Variants in DGKH observed in about 807,000 individuals in gnomAD.
DGKH encodes the protein diacylglycerol kinase eta, also known as DAG kinase eta.
DGKH carries 90 observed loss-of-function variants against 159.3 expected under a neutral mutation model. The ratio of observed to expected loss-of-function variants is 0.57; its 90% CI spans 0.48 to 0.67. The LOEUF (loss-of-function observed/expected upper bound fraction) is 0.67, where lower values mean the gene tolerates loss of function less well. DGKH is among the 30% of genes least tolerant of loss of function. The pLI, the probability that DGKH is intolerant of heterozygous loss-of-function variation, is 0.00. For synonymous variants in DGKH, 536 were observed against 553.8 expected (o/e 0.97, Z 0.45); for missense variants, 1,181 against 1,506.1 (o/e 0.78, Z 3.57).
intron 3 of DGKH, among the ~76,000 whole-genome samples, chr13:42,132,029 G>A (rs1244208380): frequency 6.6e-6 from 1 of 152,224 alleles, no homozygotes; most frequent in Non-Finnish European, 1.5e-5. Flanking sequence ...AGTAGGATTA[G>A]CCACTTGCTT....
chr13:42,222,602 G>A (rs922019786), intron 29 of DGKH, among the ~76,000 whole-genome samples: 2 of 152,154 alleles, frequency 1.3e-5, no homozygotes, highest in African/African-American at 4.8e-5. Flanking sequence ...AAAAGTAAAT[G>A]TAGGGGGGAT....
At chr13:42,178,352 C>A in intron 13 of DGKH, 132 bp downstream of exon 13, 1 of 620,316 alleles carries the variant, frequency 1.6e-6, no homozygotes, top group Non-Finnish European at 2.6e-6. Flanking sequence ...ATTAGATGTA[C>A]TAAATTTGAA....
chr13:42,201,006 T>TA (rs1220216808), intron 20 of DGKH, among the ~76,000 whole-genome samples: 9 of 152,002 alleles, frequency 5.9e-5, no homozygotes, highest in Non-Finnish European at 1.0e-4. Flanking sequence ...TTTATTTATT[T>TA]TTTTGAGATG....
At chr13:42,159,851 G>A (rs376429292) in intron 6 of DGKH, among the ~76,000 whole-genome samples, 160 bp from the exon 7 acceptor site, 1 of 152,130 alleles carries the variant, frequency 6.6e-6, no homozygotes, top group African/African-American at 2.4e-5. Flanking sequence ...TTCCTTGAAC[G>A]TTCATAATAG....
At chr13:42,249,726 TA>T (rs1181401549) in intron 29 of DGKH, among the ~76,000 whole-genome samples, 2 of 152,334 alleles carry the variant, frequency 1.3e-5, no homozygotes, top group Non-Finnish European at 2.9e-5. Context: ...TATTAATTTT[TA>T]AAACCACAGA....
intron 29 of DGKH, among the ~76,000 whole-genome samples, chr13:42,250,215 C>T (rs983073610): frequency 2.6e-5 from 4 of 151,560 alleles, no homozygotes; most frequent in African/African-American, 4.9e-5. Flanking sequence ...CTGATCCACC[C>T]GCCTCGGCCT....
intron 20 of DGKH, among the ~76,000 whole-genome samples, chr13:42,205,277 A>G (rs919577632): frequency 6.6e-6 from 1 of 152,196 alleles, no homozygotes; most frequent in Non-Finnish European, 1.5e-5. Context: ...AGTAATTTTT[A>G]AAAAATTAGT....
intron 1 of DGKH, among the ~76,000 whole-genome samples, chr13:42,049,567 G>T (rs1251510131): frequency 2.0e-5 from 3 of 152,192 alleles, no homozygotes; most frequent in African/African-American, 7.2e-5. Context: ...CAGAAGCCCC[G>T]AGGCAGGCAA....
chr13:42,215,692 A>C (rs1408034962), intron 26 of DGKH, 25 bp downstream of exon 26: 2 of 1,575,914 alleles, frequency 1.3e-6, no homozygotes, highest in Non-Finnish European at 1.7e-6. Context: ...GACTGGTAAC[A>C]TAAGAATGAT....
chr13:42,107,780 T>G (rs966258919), intron 1 of DGKH, among the ~76,000 whole-genome samples: 7 of 151,888 alleles, frequency 4.6e-5, no homozygotes, highest in Non-Finnish European at 7.4e-5. Context: ...TTAGCTTTGG[T>G]GTGGAGACCT....
chr13:42,216,850 T>C (rs1238395931), intron 26 of DGKH, among the ~76,000 whole-genome samples: 3 of 152,238 alleles, frequency 2.0e-5, no homozygotes, highest in Non-Finnish European at 4.4e-5. Flanking sequence ...CAGAATCTTC[T>C]GCTGGTCCTA....
At chr13:42,126,212 A>G (rs1955168167) in intron 1 of DGKH, among the ~76,000 whole-genome samples, 2 of 152,242 alleles carry the variant, frequency 1.3e-5, no homozygotes, top group Non-Finnish European at 2.9e-5. Context: ...GGGGTAGCAC[A>G]ATAAACGTAG....
At chr13:42,102,935 G>A (rs1954678479) in intron 1 of DGKH, among the ~76,000 whole-genome samples, 1 of 152,304 alleles carries the variant, frequency 6.6e-6, no homozygotes, top group South Asian at 2.1e-4. Flanking sequence ...ATACTGATTT[G>A]GTGTTTGATG....
At chr13:42,118,043 C>T (rs1478426355) in intron 1 of DGKH, among the ~76,000 whole-genome samples, 1 of 152,064 alleles carries the variant, frequency 6.6e-6, no homozygotes, top group Non-Finnish European at 1.5e-5. Flanking sequence ...TGGTGAAACC[C>T]CGTCTCTACC....
intron 1 of DGKH, among the ~76,000 whole-genome samples, chr13:42,080,825 C>T (rs1237982055): frequency 2.6e-5 from 4 of 151,406 alleles, no homozygotes; most frequent in South Asian, 2.1e-4. Context: ...ATTATTTATC[C>T]GAGTTTTATA....
At position 42,173,956 on chromosome 13, in the gene DGKH, T is replaced by TGC. The variant is rs1174150315; in HGVS notation, c.1368-103_1368-102insCG. 1.1e-5 allele frequency: 7 copies of TGC among 647,940 alleles called. No individual in the cohort carries two copies. The East Asian group carries it at 1.4e-4, about 13-fold the overall frequency. 40.1% of individuals were successfully genotyped at this position (647,940 alleles called of 1,614,324 possible). A position where few individuals can be genotyped will look rare whatever the true frequency, so the allele number is the denominator to read the frequency against. ...TAGTTCATGAATGTGTGTGTGTGTGTGTGCGTGCGTGTGTGTGTGTGTGTG... is the reference window on the plus strand; with the variant it reads ...TAGTTCATGAATGTGTGTGTGTGTGTGCGTGCGTGCGTGTGTGTGTGTGTGTG... On this transcript the variant is annotated intron_variant, in intron 11 of 29. Coordinates refer to ENST00000337343, the MANE Select transcript of DGKH (RefSeq NM_178009.5).
At chr13:42,078,955 G>T (rs1593995101) in intron 1 of DGKH, among the ~76,000 whole-genome samples, 1 of 108,768 alleles carries the variant, frequency 9.2e-6, no homozygotes, top group Non-Finnish European at 1.7e-5. Flanking sequence ...TGTCTCTGTT[G>T]CCCAGAGTGC....
At chr13:42,227,197 A>AC (rs1958154276) in intron 29 of DGKH, among the ~76,000 whole-genome samples, 1 of 152,118 alleles carries the variant, frequency 6.6e-6, no homozygotes, top group Admixed American at 6.6e-5. Flanking sequence ...GCAGCAAACT[A>AC]CCATGGCACA....
chr13:42,185,965 G>A lies in DGKH; in HGVS notation c.1539-1084G>A, dbSNP rs1956909605. On this transcript the variant is annotated intron_variant, in intron 13 of 29. Transcript: ENST00000337343. ...AATTTCCAAGGTGATAAATCTGAAG[G>A]TTGGTAGTGTGTGTGTCTGTTGGGG... is the stretch of plus-strand genomic sequence containing the variant. Among the ~76,000 whole-genome samples the A allele has an allele frequency of 2.0e-5, 3 of 150,806 alleles. No individual in the cohort carries two copies. The South Asian group carries it at 6.3e-4, about 32-fold the overall frequency.
Sources: allele counts gnomAD v4.1 joint callset (sites outside exome capture counted in the v4.1 genomes callset), GRCh38; gene constraint gnomAD v4.1.1; transcripts MANE v1.5; gene names NCBI Gene and HGNC (gene_info 2026-07-23, HGNC 2026-07-21).